PIP5K1B: variants seen among roughly 807,000 people sequenced by gnomAD.
The protein encoded by PIP5K1B is phosphatidylinositol-4-phosphate 5-kinase type 1 beta.
PIP5K1B carries 42 observed loss-of-function variants against 67.0 expected under a neutral mutation model. The ratio of observed to expected loss-of-function variants is 0.63; its 90% CI spans 0.49 to 0.81. The LOEUF is 0.81. Ranked by LOEUF, PIP5K1B falls within the 30% of genes least tolerant of loss-of-function variation. PIP5K1B has a pLI of 0.00. For missense variants in PIP5K1B, 459 were observed against 646.3 expected (o/e 0.71, Z 3.14); for synonymous variants, 214 against 231.4 (o/e 0.92, Z 0.68).
intron 14 of PIP5K1B, among the ~76,000 whole-genome samples, chr9:68,974,667 A>G (rs1162474936): frequency 6.6e-6 from 1 of 152,254 alleles, no homozygotes; most frequent in Non-Finnish European, 1.5e-5. Context: ...CAGCCTAGCC[A>G]CGAATGAGAG....
chr9:68,735,759 G>T (rs970423320), intron 1 of PIP5K1B, among the ~76,000 whole-genome samples: 1 of 152,184 alleles, frequency 6.6e-6, no homozygotes, highest in South Asian at 2.1e-4. Flanking sequence ...AAGGGAGTAG[G>T]GGGTTCTGAG....
At chr9:68,725,109 G>T (rs758609437) in intron 1 of PIP5K1B, among the ~76,000 whole-genome samples, 3 of 152,050 alleles carry the variant, frequency 2.0e-5, no homozygotes, top group Non-Finnish European at 2.9e-5. Context: ...ATGTCTTTTG[G>T]CAGTTCCACT....
intron 13 of PIP5K1B, 143 bp from the exon 14 acceptor site, chr9:68,940,502 GA>G (rs998743276): frequency 6.3e-5 from 43 of 685,418 alleles, no homozygotes; most frequent in Middle Eastern, 3.2e-4. Context: ...CTGTAATTCA[GA>G]AAAAAAAAGT....
intron 2 of PIP5K1B, among the ~76,000 whole-genome samples, chr9:68,774,482 T>C (rs1202517166): frequency 6.6e-6 from 1 of 152,198 alleles, no homozygotes; most frequent in Non-Finnish European, 1.5e-5. Flanking sequence ...ATTCTGTCCT[T>C]CTCCATTTAC....
chr9:68,808,387 T>TC (rs1007211579), intron 2 of PIP5K1B, among the ~76,000 whole-genome samples: 5 of 151,518 alleles, frequency 3.3e-5, no homozygotes, highest in Non-Finnish European at 5.9e-5. Context: ...AACTAATTAC[T>TC]CCCCCCGACT....
At chr9:68,907,512 C>T (rs1825674501) in intron 8 of PIP5K1B, among the ~76,000 whole-genome samples, 1 of 151,514 alleles carries the variant, frequency 6.6e-6, no homozygotes, top group Non-Finnish European at 1.5e-5. Flanking sequence ...ATTCTCAGAA[C>T]CTGGATTTTC....
At chr9:68,881,760 C>CT (rs1367131227) in intron 6 of PIP5K1B, among the ~76,000 whole-genome samples, 1 of 152,192 alleles carries the variant, frequency 6.6e-6, no homozygotes, top group Non-Finnish European at 1.5e-5. Flanking sequence ...TTCCTTATTC[C>CT]TAGACAAACA....
intron 5 of PIP5K1B, among the ~76,000 whole-genome samples, chr9:68,868,554 C>T (rs1172987239): frequency 6.6e-6 from 1 of 152,122 alleles, no homozygotes; most frequent in East Asian, 1.9e-4. Flanking sequence ...TTTTTCTCTA[C>T]ATTGTGGCAA....
At chr9:68,926,923 T>G (rs2132564182) in intron 12 of PIP5K1B, among the ~76,000 whole-genome samples, 1 of 152,206 alleles carries the variant, frequency 6.6e-6, no homozygotes, top group East Asian at 1.9e-4. Context: ...CCCATACCCA[T>G]TAGCAGTCAC....
At position 68,940,743 on chromosome 9, in the gene PIP5K1B, C is replaced by T. The variant is rs1314804518; in HGVS notation, c.1455C>T (p.Tyr485=). The part of the protein sequence containing the change: ...LATTISSSSL[Y]VNEHYPHDRP... The stretch of plus-strand genomic sequence containing the variant: ...CCACAATTTCATCTTCTTCCTTATA[C>T]GTCAATGAGCACTATCCACACGACA... The change falls in exon 14 of 16, where the codon TAC becomes TAT. Residue 485 remains tyrosine, a synonymous_variant. Transcript: ENST00000265382. The T allele has an allele frequency of 5.6e-6, 9 of 1,613,810 alleles. No individual in the cohort carries two copies. In the East Asian group the frequency reaches 6.7e-5, roughly 12 times the overall value.
intron 1 of PIP5K1B, among the ~76,000 whole-genome samples, chr9:68,730,392 A>T (rs1828366593): frequency 6.6e-6 from 1 of 152,220 alleles, no homozygotes; most frequent in Non-Finnish European, 1.5e-5. Flanking sequence ...TTCCAATGAA[A>T]GTGAGGATGG....
chr9:68,948,942 G>T (rs1380067142), intron 14 of PIP5K1B, among the ~76,000 whole-genome samples: 1 of 152,104 alleles, frequency 6.6e-6, no homozygotes, highest in East Asian at 1.9e-4. Context: ...TTAATTCAAA[G>T]AACATTCACA....
chr9:68,780,383 G>C (rs1333818968), intron 2 of PIP5K1B: 1 of 1,613,584 alleles, frequency 6.2e-7, no homozygotes. Flanking sequence ...GCCTGCTGCT[G>C]CCGGCCTCCC....
At chr9:68,992,670 T>C (rs1830429940) in intron 15 of PIP5K1B, among the ~76,000 whole-genome samples, 1 of 150,904 alleles carries the variant, frequency 6.6e-6, no homozygotes. Context: ...TGAAACCCCA[T>C]CTCTACTAAA....
chr9:68,795,244 C>G (rs1194697481), intron 2 of PIP5K1B, among the ~76,000 whole-genome samples: 1 of 152,006 alleles, frequency 6.6e-6, no homozygotes, highest in Non-Finnish European at 1.5e-5. Flanking sequence ...CACACCTAAC[C>G]TTGTGACTTC....
chr9:68,945,390 C>A (rs922475729), intron 14 of PIP5K1B, among the ~76,000 whole-genome samples: 1 of 152,158 alleles, frequency 6.6e-6, no homozygotes, highest in African/African-American at 2.4e-5. Context: ...AAGTGATCCA[C>A]CCTGCTCAGC....
intron 14 of PIP5K1B, chr9:68,941,118 T>A: frequency 2.1e-6 from 1 of 479,300 alleles, no homozygotes. Context: ...TTAGTTAATA[T>A]TACACAGGTA....
At chr9:68,888,540 G>A (rs1447409776) in intron 6 of PIP5K1B, among the ~76,000 whole-genome samples, 2 of 152,214 alleles carry the variant, frequency 1.3e-5, no homozygotes, top group African/African-American at 2.4e-5. Context: ...TCATCTCCTT[G>A]TTGAAACCAT....
intron 14 of PIP5K1B, among the ~76,000 whole-genome samples, chr9:68,970,872 C>T (rs926487066): frequency 1.3e-5 from 2 of 152,210 alleles, no homozygotes; most frequent in African/African-American, 4.8e-5. Context: ...CTAAAATTGG[C>T]TCCTAATGTT....
Sources: allele counts gnomAD v4.1 joint callset (sites outside exome capture counted in the v4.1 genomes callset), GRCh38; gene constraint gnomAD v4.1.1; transcripts MANE v1.5; gene names NCBI Gene and HGNC (gene_info 2026-07-23, HGNC 2026-07-21).